Variants in CD46 observed in about 807,000 individuals in gnomAD.
CD46 encodes CD46 molecule, also known as membrane cofactor protein.
Under a neutral mutation model 53.3 loss-of-function variants are expected in CD46, and 30 were observed. That is an observed-to-expected ratio of 0.56 (90% CI 0.42 to 0.76). The LOEUF is 0.76. CD46 is among the 30% of genes least tolerant of loss of function. The probability of loss-of-function intolerance (pLI) is 0.00; values close to 1 mark genes in which losing one functional copy is unlikely to be tolerated. For synonymous variants in CD46, 142 were observed against 152.0 expected, an observed-to-expected ratio of 0.93 and a Z score of 0.48; for missense variants, 409 against 463.0, an observed-to-expected ratio of 0.88 and a Z score of 1.07.
At position 207,752,211 on chromosome 1, in the gene CD46, G is replaced by C. The variant is rs757460306; in HGVS notation, c.-2G>C. 5.0e-6 allele frequency: 8 copies of C among 1,613,474 alleles called. No homozygotes were observed. Among genetic ancestry groups the C allele is most frequent in the Non-Finnish European group, 5.9e-6 (7 of 1,179,824 alleles). ...GAAATAACAGCGTCTTCCGCGCCGCGCATGGAGCCTCCCGGCCGCCGCGAG... is the reference window on the plus strand; with the variant it reads ...GAAATAACAGCGTCTTCCGCGCCGCCCATGGAGCCTCCCGGCCGCCGCGAG... On this transcript the variant is annotated 5_prime_UTR_variant, in exon 1 of 13. Transcript: ENST00000367042. This position sits in a 1 kb window ranked among gnomAD's most constrained non-coding sequence, Gnocchi z 4.1.
intron 7 of CD46, chr1:207,768,807 A>C (rs1459370578): frequency 6.6e-6 from 1 of 152,248 alleles, no homozygotes; most frequent in East Asian, 1.9e-4. Context: ...GACTGTGCTT[A>C]GTTAACATCA....
chr1:207,780,641 A>G (rs1361477986), intron 8 of CD46, among the ~76,000 whole-genome samples: 1 of 152,154 alleles, frequency 6.6e-6, no homozygotes, highest in Non-Finnish European at 1.5e-5. Flanking sequence ...TGTATTCCAC[A>G]GTGGCTGCAC....
At chr1:207,759,798 C>A in intron 4 of CD46, 74 bp downstream of exon 4, 1 of 780,122 alleles carries the variant, frequency 1.3e-6, no homozygotes. Flanking sequence ...ACCCTTTACA[C>A]TTTAAGATTA....
At chr1:207,752,048 C>T (rs1693818863), upstream of CD46, 2 of 759,288 alleles carry the variant, frequency 2.6e-6, no homozygotes, top group Admixed American at 3.7e-5. This position sits in a 1 kb window ranked among gnomAD's most constrained non-coding sequence, Gnocchi z 4.1. Context: ...CACTTCCGCC[C>T]CGGGCGCGGC....
chr1:207,783,460 T>C, intron 9 of CD46, 130 bp downstream of exon 9: 2 of 662,212 alleles, frequency 3.0e-6, no homozygotes, highest in South Asian at 3.6e-5. Context: ...GCTGTGTTTG[T>C]ATGTAGGTTA....
At chr1:207,753,352 A>AT (rs1319686740) in intron 1 of CD46, among the ~76,000 whole-genome samples, 2 of 152,214 alleles carry the variant, frequency 1.3e-5, no homozygotes, top group Non-Finnish European at 2.9e-5. Flanking sequence ...TTTGTATTTC[A>AT]TTGAATGGAA....
intron 8 of CD46, among the ~76,000 whole-genome samples, chr1:207,773,541 A>C (rs1558064538): frequency 6.6e-6 from 1 of 152,032 alleles, no homozygotes; most frequent in Admixed American, 6.5e-5. Flanking sequence ...TAGTGCTATA[A>C]ATTTCCCTCT....
At position 207,794,319 on chromosome 1, in the gene CD46, G is replaced by C. The variant is rs1660062198; in HGVS notation, c.*842G>C. The C allele has an allele frequency of 6.6e-6, 1 of 152,290 alleles. No homozygotes were observed. Among genetic ancestry groups the C allele is most frequent in the African/African-American group, 2.4e-5 (1 of 41,442 alleles). The allele number at this position is 152,290 out of a possible 1,614,324, so 9.4% of individuals were successfully genotyped here. On this transcript the variant is annotated 3_prime_UTR_variant, in exon 13 of 13. Transcript: ENST00000367042. ...CTTTCATAAGAAGTGAGAGGACTCT[G>C]ACAGCCATAACAGGAGTGCCACTTC...
Position 207,761,461 on chromosome 1 carries a change from T to C in CD46, c.673+15T>C, listed in dbSNP as rs771470079. On this transcript the variant is annotated intron_variant, in intron 5 of 12. Transcript: ENST00000367042. ...AGAGTGTAAAGGTAGTGTTTCAATT[T>C]ATTTCCTTCTTCATTTGTAAATACT... The C allele has an allele frequency of 1.3e-6, 2 of 1,596,162 alleles. No individual in the cohort carries two copies. Among genetic ancestry groups the C allele is most frequent in the African/African-American group, 1.3e-5 (1 of 74,612 alleles).
chr1:207,768,731 G>A (rs2102603927), intron 7 of CD46: 1 of 152,264 alleles, frequency 6.6e-6, no homozygotes, highest in East Asian at 1.9e-4. Flanking sequence ...ACCATCTCTG[G>A]TTTCACTTTG....
intron 8 of CD46, among the ~76,000 whole-genome samples, chr1:207,774,714 A>T (rs1375833678): frequency 6.6e-6 from 1 of 152,214 alleles, no homozygotes; most frequent in Admixed American, 6.5e-5. Flanking sequence ...ATTGGCCCCC[A>T]TTCTTTTAAG....
intron 11 of CD46, among the ~76,000 whole-genome samples, chr1:207,786,226 C>T (rs902282628): frequency 3.3e-5 from 5 of 152,160 alleles, no homozygotes; most frequent in African/African-American, 9.7e-5. Flanking sequence ...TTCAAAACAA[C>T]ACTATCCGAT....
chr1:207,763,561 CTTG>C (rs1656482808), intron 5 of CD46, among the ~76,000 whole-genome samples: 1 of 152,158 alleles, frequency 6.6e-6, no homozygotes, highest in African/African-American at 2.4e-5. Context: ...CTGCAGCAAT[CTTG>C]TTTAAATTTA....
At chr1:207,759,315 C>T (rs1655916800) in intron 3 of CD46, among the ~76,000 whole-genome samples, 1 of 152,210 alleles carries the variant, frequency 6.6e-6, no homozygotes, top group South Asian at 2.1e-4. Flanking sequence ...CAGTCCTTGT[C>T]CTTACTGTGC....
At chr1:207,775,055 C>T (rs1293465068) in intron 8 of CD46, among the ~76,000 whole-genome samples, 1 of 152,130 alleles carries the variant, frequency 6.6e-6, no homozygotes, top group African/African-American at 2.4e-5. Context: ...TCACATAGTC[C>T]CATATTTCTT....
chr1:207,793,495 T>G, intron 12 of CD46, 24 bp from the exon 13 acceptor site: 3 of 1,566,846 alleles, frequency 1.9e-6, no homozygotes, highest in Non-Finnish European at 2.6e-6. Flanking sequence ...ATCTTTGACA[T>G]GATCTTTATA....
At chr1:207,764,236 G>A (rs1571606983) in intron 5 of CD46, among the ~76,000 whole-genome samples, 2 of 152,280 alleles carry the variant, frequency 1.3e-5, no homozygotes, top group South Asian at 4.1e-4. Context: ...ACGGAGCTGC[G>A]GTGCGCCAGT....
At position 207,752,388 on chromosome 1, in the gene CD46, C is replaced by A; in HGVS notation, c.97+79C>A. ...GTCGGGCAAGAGTCGCGGGGCGGGG[C>A]TCACAGCAGGCCGTGCCTGTTTGGG... On this transcript the variant is annotated intron_variant, in intron 1 of 12. Transcript: ENST00000367042. The surrounding 1 kb of genome is among the most constrained non-coding windows in gnomAD (Gnocchi z 4.1). The A allele has an allele frequency of 2.3e-6, 3 of 1,330,752 alleles. No individual in the cohort carries two copies. Among genetic ancestry groups the A allele is most frequent in the Non-Finnish European group, 2.2e-6 (2 of 926,360 alleles). 82.4% of individuals were successfully genotyped at this position (1,330,752 alleles called of 1,614,324 possible). A position where few individuals can be genotyped will look rare whatever the true frequency, so the allele number is the denominator to read the frequency against.
chr1:207,788,485 T>C (rs1249895103), intron 11 of CD46, among the ~76,000 whole-genome samples: 2 of 151,858 alleles, frequency 1.3e-5, no homozygotes, highest in Non-Finnish European at 2.9e-5. Flanking sequence ...GCCACTGCAC[T>C]CCAGCCTGGG....
Sources: gnomAD v4.1 joint callset for allele counts (sites outside exome capture counted in the v4.1 genomes callset) on GRCh38, gnomAD v4.1.1 for gene constraint, Gnocchi (gnomAD v3.1) non-coding constraint, MANE v1.5 for transcripts, NCBI Gene and HGNC (gene_info 2026-07-23, HGNC 2026-07-21) for gene names.